The following MAML3 variants were observed in gnomAD, a reference collection of about 807,000 sequenced individuals.
MAML3 encodes the protein mastermind like transcriptional coactivator 3, also known as mastermind-like protein 3.
MAML3 carries 27 observed loss-of-function variants against 101.9 expected under a neutral mutation model. That is an observed-to-expected ratio of 0.27 (90% CI 0.20 to 0.37). MAML3 has a LOEUF of 0.37. Among genes scored for constraint, MAML3 ranks in the 10% least tolerant of loss-of-function variants. The pLI is 1.00. For synonymous variants in MAML3, 501 were observed against 555.9 expected (o/e 0.90, Z 1.39); for missense variants, 1,316 against 1,444.9 (o/e 0.91, Z 1.45).
intron 2 of MAML3, among the ~76,000 whole-genome samples, chr4:139,855,353 A>C (rs960206207): frequency 6.6e-6 from 1 of 152,252 alleles, no homozygotes; most frequent in Non-Finnish European, 1.5e-5. Context: ...CAGAATAAAA[A>C]GTTTATCAAT....
At chr4:139,944,556 C>T (rs1339106136) in intron 1 of MAML3, among the ~76,000 whole-genome samples, 1 of 152,128 alleles carries the variant, frequency 6.6e-6, no homozygotes, top group East Asian at 1.9e-4. Context: ...ATATGTGCCA[C>T]ATTTTCTTAA....
In MAML3 at chr4:140,153,755, C is replaced by T. The variant is rs1729220460; in HGVS notation, c.-428G>A. On this transcript the variant is annotated 5_prime_UTR_variant, in exon 1 of 5. Coordinates refer to ENST00000509479, the MANE Select transcript of MAML3 (RefSeq NM_018717.5). Reference sequence around the variant, plus strand: ...CTCCCTACATACCGAAAAACACACCCCATGTACACACACAAGCATATGCCT... The same window carrying T: ...CTCCCTACATACCGAAAAACACACCTCATGTACACACACAAGCATATGCCT... 1 of 179,216 alleles carries T rather than the reference C, an allele frequency of 5.6e-6. No individual in the cohort carries two copies. Among genetic ancestry groups the T allele is most frequent in the Non-Finnish European group, 1.2e-5 (1 of 86,306 alleles). 11.1% of individuals were successfully genotyped at this position (179,216 alleles called of 1,614,324 possible). A position where few individuals can be genotyped will look rare whatever the true frequency, so the allele number is the denominator to read the frequency against.
intron 2 of MAML3, among the ~76,000 whole-genome samples, chr4:139,754,974 T>C (rs962677795): frequency 2.0e-5 from 3 of 152,250 alleles, no homozygotes; most frequent in Non-Finnish European, 2.9e-5. Context: ...TGACATCCTA[T>C]GTCTGTTGCT....
chr4:140,061,470 A>G (rs1004404589), intron 1 of MAML3, among the ~76,000 whole-genome samples: 1 of 152,232 alleles, frequency 6.6e-6, no homozygotes, highest in Non-Finnish European at 1.5e-5. Flanking sequence ...TTCTGGTATG[A>G]AAGAATTCTG....
intron 1 of MAML3, among the ~76,000 whole-genome samples, chr4:140,041,418 G>A (rs770811905): frequency 9.8e-5 from 15 of 152,306 alleles, no homozygotes; most frequent in Non-Finnish European, 1.6e-4. Context: ...GAGGTCAGGA[G>A]TTTGAGACCA....
intron 2 of MAML3, among the ~76,000 whole-genome samples, chr4:139,881,905 T>C (rs907000162): frequency 2.0e-5 from 3 of 152,128 alleles, no homozygotes; most frequent in Non-Finnish European, 4.4e-5. Flanking sequence ...TTCACCATAT[T>C]GGCCAGGATG....
chr4:139,830,654 T>C (rs1011719842), intron 2 of MAML3, among the ~76,000 whole-genome samples: 1 of 152,040 alleles, frequency 6.6e-6, no homozygotes, highest in African/African-American at 2.4e-5. Context: ...GACCTCGTGA[T>C]CCGCCCGCCT....
chr4:139,863,832 G>GTTT (rs58270046), intron 2 of MAML3, among the ~76,000 whole-genome samples: 13 of 111,288 alleles, frequency 1.2e-4, no homozygotes, highest in African/African-American at 2.3e-4. Flanking sequence ...CAGAACATGG[G>GTTT]TTTTTTTTTT....
At chr4:139,937,205 A>C (rs1216219845) in intron 1 of MAML3, among the ~76,000 whole-genome samples, 4 of 152,218 alleles carry the variant, frequency 2.6e-5, no homozygotes, top group Non-Finnish European at 5.9e-5. Context: ...ATTTTATTGA[A>C]TGTTGCCCCT....
intron 1 of MAML3, among the ~76,000 whole-genome samples, chr4:140,037,053 G>A (rs1317561461): frequency 6.6e-6 from 1 of 151,972 alleles, no homozygotes; most frequent in South Asian, 2.1e-4. Context: ...CTGCTTGGGG[G>A]AAATAGAACT....
At chr4:139,795,163 GA>G (rs906943364) in intron 2 of MAML3, among the ~76,000 whole-genome samples, 1 of 152,166 alleles carries the variant, frequency 6.6e-6, no homozygotes, top group Non-Finnish European at 1.5e-5. Flanking sequence ...AGGAAAGGCT[GA>G]AAAACTGTCT....
At chr4:139,764,545 A>C (rs1729815458) in intron 2 of MAML3, among the ~76,000 whole-genome samples, 1 of 152,254 alleles carries the variant, frequency 6.6e-6, no homozygotes, top group East Asian at 1.9e-4. Context: ...ATGTGGGGCT[A>C]ATAGAGATTA....
intron 1 of MAML3, among the ~76,000 whole-genome samples, chr4:140,016,003 G>A (rs936071842): frequency 6.6e-6 from 1 of 151,996 alleles, no homozygotes; most frequent in South Asian, 2.1e-4. Flanking sequence ...ATTGGTTCCT[G>A]TTTATGAATG....
chr4:139,993,828 CAA>C (rs946659496), intron 1 of MAML3, among the ~76,000 whole-genome samples: 1 of 142,524 alleles, frequency 7.0e-6, no homozygotes, highest in Non-Finnish European at 1.5e-5. Flanking sequence ...AACTCTGTCT[CAA>C]AAAAAAAAAG....
rs570437117 is a variant in MAML3, at chr4:140,111,855, C to G, written c.468+41005G>C. Among the ~76,000 whole-genome samples the G allele has an allele frequency of 2.9e-4, 44 of 152,274 alleles. No individual in the cohort carries two copies. The East Asian group carries it at 8.3e-3, about 29-fold the overall frequency. ...AATGGAAAGAGTGGAAGTATTTGTT[C>G]TCCTCTTCCAGCTTGCCATGTCAGT... On this transcript the variant is annotated intron_variant, in intron 1 of 4. Coordinates refer to ENST00000509479, the MANE Select transcript of MAML3 (RefSeq NM_018717.5).
At chr4:140,107,507 C>CTT (rs34219237) in intron 1 of MAML3, among the ~76,000 whole-genome samples, 31 of 139,286 alleles carry the variant, frequency 2.2e-4, no homozygotes, top group African/African-American at 6.9e-4. Context: ...GAAAAAAATG[C>CTT]TTTTTTTTTT....
chr4:139,962,568 C>T (rs1734039617), intron 1 of MAML3, among the ~76,000 whole-genome samples: 1 of 152,190 alleles, frequency 6.6e-6, no homozygotes, highest in East Asian at 1.9e-4. Flanking sequence ...CCAGGAAACT[C>T]TGCCAATCTA....
At chr4:139,812,534 G>T (rs1186382498) in intron 2 of MAML3, among the ~76,000 whole-genome samples, 1 of 152,214 alleles carries the variant, frequency 6.6e-6, no homozygotes, top group African/African-American at 2.4e-5. Flanking sequence ...TGCTGTAATA[G>T]AAATGGGAAT....
rs1050537210 is a variant in MAML3 at position 140,034,231 on chromosome 4, A to T, written c.468+118629T>A. On this transcript the variant is annotated intron_variant, in intron 1 of 4. Transcript: ENST00000509479. ...TACAAAGTAGCCTATGAAGAGACAG[A>T]CCAAATACAAACTGATCCTTAGACT... is the stretch of plus-strand genomic sequence containing the variant. 5.9e-5 allele frequency among the ~76,000 whole-genome samples: 9 copies of T among 152,236 alleles called. No homozygotes were observed. In the East Asian group the frequency reaches 1.5e-3, roughly 26 times the overall value.
Sources: gnomAD v4.1 joint callset for allele counts (sites outside exome capture counted in the v4.1 genomes callset) on GRCh38, gnomAD v4.1.1 for gene constraint, MANE v1.5 for transcripts, NCBI Gene and HGNC (gene_info 2026-07-23, HGNC 2026-07-21) for gene names.